VPS13C: variants seen among roughly 807,000 people sequenced by gnomAD.
VPS13C encodes the protein vacuolar protein sorting 13 homolog C.
Under a neutral mutation model 456.8 loss-of-function variants are expected in VPS13C, and 358 were observed. That is an observed-to-expected ratio of 0.78 (90% CI 0.72 to 0.86). The LOEUF is 0.86. VPS13C is among the 40% of genes least tolerant of loss of function. VPS13C has a pLI of 0.00. For missense variants in VPS13C, 4,818 were observed against 4,385.4 expected (o/e 1.10, Z -2.79); for synonymous variants, 1,578 against 1,486.7 (o/e 1.06, Z -1.41).
At chr15:62,016,265 T>TTATA (rs766144187) in intron 9 of VPS13C, among the ~76,000 whole-genome samples, 1 of 150,124 alleles carries the variant, frequency 6.7e-6, no homozygotes, top group Non-Finnish European at 1.5e-5. Flanking sequence ...TAACTTTATT[T>TTATA]TATATATATA....
chr15:61,935,085 T>C (rs1347647153), intron 48 of VPS13C, among the ~76,000 whole-genome samples: 1 of 152,106 alleles, frequency 6.6e-6, no homozygotes, highest in Non-Finnish European at 1.5e-5. Flanking sequence ...ACCCAATCCA[T>C]TTTCTTTATC....
rs79268611 is a variant in VPS13C at position 61,999,958 on chromosome 15, T to C, written c.1353+606A>G. Among the ~76,000 whole-genome samples the C allele has an allele frequency of 3.9e-3, 580 of 148,458 alleles. 1 individual carries two copies. The highest frequency in any genetic ancestry group is 0.014 in the African/African-American group (555 of 40,396). On this transcript the variant is annotated intron_variant, in intron 16 of 84. Coordinates refer to ENST00000644861, the MANE Select transcript of VPS13C (RefSeq NM_020821.3). The stretch of plus-strand genomic sequence containing the variant: ...GCATAAATACGCAGGTATATAAGCA[T>C]GGGAGAAAAACTGATAGCCAAAATT...
chr15:61,985,359 C>T (rs1180305577), intron 18 of VPS13C, among the ~76,000 whole-genome samples: 1 of 152,120 alleles, frequency 6.6e-6, no homozygotes, highest in African/African-American at 2.4e-5. Context: ...TGGGTTCAAG[C>T]GACTCTCCTG....
At chr15:62,012,935 G>C in intron 11 of VPS13C, 104 bp downstream of exon 11, 1 of 635,540 alleles carries the variant, frequency 1.6e-6, no homozygotes, top group Non-Finnish European at 2.5e-6. Context: ...TGAAATACAA[G>C]TTAAACAAAT....
chr15:62,028,254 A>T (rs878874617), intron 6 of VPS13C, 104 bp downstream of exon 6: 2 of 1,257,410 alleles, frequency 1.6e-6, no homozygotes, highest in South Asian at 2.6e-5. Flanking sequence ...GCATTTCCAT[A>T]TTTTCTAAAA....
At position 61,854,178 on chromosome 15, in the gene VPS13C, T is replaced by C. The variant is rs182082742; in HGVS notation, c.*279A>G. 3.6e-3 allele frequency: 1,621 copies of C among 453,170 alleles called. 42 individuals carry two copies. The highest frequency in any genetic ancestry group is 9.8e-4 in the Non-Finnish European group (247 of 252,126). The allele number at this position is 453,170 out of a possible 1,614,324, so 28.1% of individuals were successfully genotyped here. On this transcript the variant is annotated 3_prime_UTR_variant, in exon 85 of 85. Coordinates refer to ENST00000644861, the MANE Select transcript of VPS13C (RefSeq NM_020821.3). ...ATTGACCTTTGCTTCACAATTTTAA[T>C]ATTAATGAAAATTTCATTCTGAGTT...
At position 61,920,190 on chromosome 15, in the gene VPS13C, C is replaced by A; in HGVS notation, c.7354G>T (p.Asp2452Tyr). ...LRVMGFPEKSDIFDVDAGQNL... is the reference protein window; with the variant it reads ...LRVMGFPEKSYIFDVDAGQNL... ...TGGCCAGCATCAACATCAAAAATAT[C>A]ACTTTTCTCAGGGAAGCCCATTACT... is the stretch of plus-strand genomic sequence containing the variant. Residue 2452 changes from aspartate (D) to tyrosine (Y), a missense_variant, in exon 57 of 85, where the codon GAT (aspartate) becomes TAT (tyrosine). Transcript: ENST00000644861. 6.2e-7 allele frequency: 1 copy of A among 1,613,604 alleles called. No homozygotes were observed. The highest frequency in any genetic ancestry group is 8.5e-7 in the Non-Finnish European group (1 of 1,179,664).
rs768833058 is a variant in VPS13C, at chr15:61,963,908, T to C, written c.3258A>G (p.Leu1086=). 35 of 1,612,064 alleles carry C rather than the reference T, an allele frequency of 2.2e-5. No individual in the cohort carries two copies. In the Admixed American group the frequency reaches 2.5e-4, roughly 12 times the overall value. Residue 1086 remains leucine, a synonymous_variant, in exon 32 of 85, where the codon CTA becomes CTG. Transcript: ENST00000644861. ...CACAGAAAGCATTCAACTTGGCAAA[T>C]AGCCTGAAATCAATAATGTCACTAT... ...SRDSDIIDFR[L]FAKLNAFCVI...
chr15:61,961,025 G>A, intron 35 of VPS13C, among the ~76,000 whole-genome samples: 1 of 151,876 alleles, frequency 6.6e-6, no homozygotes, highest in East Asian at 1.9e-4. Flanking sequence ...AAGTTGCAGT[G>A]AGCCAAGACT....
chr15:61,872,443 T>C (rs143377642), intron 78 of VPS13C, among the ~76,000 whole-genome samples: 211 of 152,176 alleles, frequency 1.4e-3, no homozygotes, highest in African/African-American at 4.9e-3. Flanking sequence ...TGTAACTTAG[T>C]GGAAGTGTAG....
chr15:61,884,041 G>A, intron 68 of VPS13C, 87 bp downstream of exon 68: 1 of 1,245,828 alleles, frequency 8.0e-7, no homozygotes, highest in Admixed American at 2.7e-5. Context: ...TTCTGCACAT[G>A]TCTTTACTTG....
At chr15:61,933,520 AG>A (rs1342628336) in intron 49 of VPS13C, among the ~76,000 whole-genome samples, 1 of 152,260 alleles carries the variant, frequency 6.6e-6, no homozygotes, top group East Asian at 1.9e-4. Flanking sequence ...CTGCCCAATT[AG>A]GGTATATGCT....
chr15:62,002,077 C>T (rs897663171), intron 15 of VPS13C, among the ~76,000 whole-genome samples: 1 of 152,122 alleles, frequency 6.6e-6, no homozygotes, highest in Non-Finnish European at 1.5e-5. Context: ...AGTTCTAGTT[C>T]CCTGAGGAAT....
chr15:61,985,573 G>C (rs989268665), intron 18 of VPS13C, among the ~76,000 whole-genome samples: 1 of 152,116 alleles, frequency 6.6e-6, no homozygotes, highest in African/African-American at 2.4e-5. Context: ...TAGTTTTAAA[G>C]GTTATAACAA....
At chr15:61,940,945 A>G (rs2044400217) in intron 46 of VPS13C, 151 bp from the exon 47 acceptor site, 12 of 808,322 alleles carry the variant, frequency 1.5e-5, no homozygotes, top group Non-Finnish European at 2.2e-5. Context: ...TCACATTTTT[A>G]AGATCAATCT....
chr15:61,993,117 A>G (rs1290235788), intron 16 of VPS13C, among the ~76,000 whole-genome samples: 1 of 152,188 alleles, frequency 6.6e-6, no homozygotes, highest in East Asian at 1.9e-4. Flanking sequence ...TGCAACCAGA[A>G]ACTTCAAGTT....
At chr15:61,877,321 G>T (rs12902409) in intron 74 of VPS13C, among the ~76,000 whole-genome samples, 81,510 of 151,470 alleles carry the variant, frequency 0.54, 22,247 homozygotes, top group Admixed American at 0.62. Flanking sequence ...GTTTATTTTC[G>T]TATTTCGCAC....
chr15:62,003,825 T>C (rs2046727931), intron 15 of VPS13C, among the ~76,000 whole-genome samples: 2 of 151,630 alleles, frequency 1.3e-5, no homozygotes, highest in African/African-American at 2.4e-5. Flanking sequence ...ATTACATTTA[T>C]TGATTTGCGT....
chr15:61,872,089 A>T, intron 78 of VPS13C, 55 bp from the exon 79 acceptor site: 2 of 1,490,232 alleles, frequency 1.3e-6, no homozygotes, highest in African/African-American at 2.8e-5. Flanking sequence ...TTTAATTTTA[A>T]ACCAACCACT....
Sources: allele counts gnomAD v4.1 joint callset (sites outside exome capture counted in the v4.1 genomes callset), GRCh38; gene constraint gnomAD v4.1.1; transcripts MANE v1.5; gene names NCBI Gene and HGNC (gene_info 2026-07-23, HGNC 2026-07-21).